Variants in NRXN1 observed in about 807,000 individuals in gnomAD.
NRXN1 encodes the protein neurexin-1.
Under a neutral mutation model 150.9 loss-of-function variants are expected in NRXN1, and 39 were observed. The observed-to-expected ratio is 0.26, with a 90% CI of 0.20 to 0.34. The LOEUF (loss-of-function observed/expected upper bound fraction) is 0.34, where lower values mean the gene tolerates loss of function less well. NRXN1 is among the 10% of genes least tolerant of loss of function. The probability of loss-of-function intolerance (pLI) is 1.00; values close to 1 mark genes in which losing one functional copy is unlikely to be tolerated. For missense variants in NRXN1, 1,815 were observed against 1,949.9 expected (o/e 0.93, Z 1.30); for synonymous variants, 924 against 757.0 (o/e 1.22, Z -3.62).
At chr2:50,044,388 T>C (rs1357993143) in intron 21 of NRXN1, among the ~76,000 whole-genome samples, 2 of 152,098 alleles carry the variant, frequency 1.3e-5, no homozygotes, top group African/African-American at 4.8e-5. Context: ...ACAGACTTGA[T>C]GGTAATGTCT....
rs146783855 is a variant in NRXN1, at chr2:50,398,890, C to A, written c.3364+66552G>T. On this transcript the variant is annotated intron_variant, in intron 17 of 22. Transcript: ENST00000401669. ...GAGAGATACCCTGAGTTTCATCATG[C>A]AGTCATTTGTTTCTATTGATGGTAG... Among the ~76,000 whole-genome samples, 142 of 152,172 alleles carry A rather than the reference C, an allele frequency of 9.3e-4. 3 individuals carry two copies. The East Asian group carries it at 0.026, about 28-fold the overall frequency.
chr2:50,705,203 C>T (rs1694270628), intron 5 of NRXN1, among the ~76,000 whole-genome samples: 2 of 151,964 alleles, frequency 1.3e-5, no homozygotes, highest in Middle Eastern at 3.4e-3. Context: ...GGAAACCATA[C>T]AAAGATGAAT....
intron 17 of NRXN1, among the ~76,000 whole-genome samples, chr2:50,424,127 C>CGGA (rs141016407): frequency 0.13 from 11,863 of 92,042 alleles, 1,336 homozygotes; most frequent in East Asian, 0.44. Context: ...AAGAAGGAGG[C>CGGA]GGAGGAGGAG....
intron 17 of NRXN1, among the ~76,000 whole-genome samples, chr2:50,298,743 T>C (rs2073869907): frequency 6.6e-6 from 1 of 152,208 alleles, no homozygotes; most frequent in South Asian, 2.1e-4. Context: ...CTATTTCTAA[T>C]GTCTTATTCT....
intron 2 of NRXN1, among the ~76,000 whole-genome samples, chr2:50,976,333 G>C (rs1695834432): frequency 6.6e-6 from 1 of 150,960 alleles, no homozygotes; most frequent in Non-Finnish European, 1.5e-5. Context: ...GAACCTATTT[G>C]CTTGAATTTT....
intron 5 of NRXN1, among the ~76,000 whole-genome samples, chr2:50,893,060 G>A (rs983678602): frequency 2.0e-5 from 3 of 152,116 alleles, no homozygotes; most frequent in African/African-American, 7.2e-5. Context: ...CAGAGAGGTG[G>A]CTGAGAGCCT....
chr2:50,953,071 G>T (rs762536673), intron 2 of NRXN1, among the ~76,000 whole-genome samples: 8 of 152,140 alleles, frequency 5.3e-5, no homozygotes, highest in Non-Finnish European at 1.2e-4. Context: ...GTGAATGGGA[G>T]ACTGAATGGG....
intron 17 of NRXN1, among the ~76,000 whole-genome samples, chr2:50,456,547 G>C (rs2087576601): frequency 6.6e-6 from 1 of 152,046 alleles, no homozygotes; most frequent in African/African-American, 2.4e-5. Context: ...AGAATGCTTT[G>C]TTCAGGGAAG....
At chr2:50,481,797 GCT>G (rs1224723434) in intron 15 of NRXN1, among the ~76,000 whole-genome samples, 1 of 97,914 alleles carries the variant, frequency 1.0e-5, no homozygotes, top group East Asian at 2.8e-4. Context: ...ACGGAGTCTC[GCT>G]CTGTCGCCCA....
chr2:50,725,574 A>G (rs772539738), intron 5 of NRXN1, among the ~76,000 whole-genome samples: 1 of 152,154 alleles, frequency 6.6e-6, no homozygotes, highest in Non-Finnish European at 1.5e-5. Flanking sequence ...TAACTGGGTA[A>G]TTTTTCCAGC....
intron 2 of NRXN1, among the ~76,000 whole-genome samples, chr2:51,002,295 C>T (rs901755252): frequency 6.6e-6 from 1 of 151,882 alleles, no homozygotes; most frequent in African/African-American, 2.4e-5. Flanking sequence ...TGTTCTCTGA[C>T]ACAATACACT....
At chr2:50,232,374 T>C (rs2065018650) in intron 18 of NRXN1, among the ~76,000 whole-genome samples, 1 of 134,324 alleles carries the variant, frequency 7.4e-6, no homozygotes, top group Non-Finnish European at 1.5e-5. Flanking sequence ...ATTATTTTTC[T>C]TTCTTTTCTT....
intron 2 of NRXN1, among the ~76,000 whole-genome samples, chr2:50,932,847 G>T (rs1285595814): frequency 6.6e-6 from 1 of 151,998 alleles, no homozygotes; most frequent in African/African-American, 2.4e-5. Flanking sequence ...AAGACTGAAT[G>T]ATTTCATAGA....
chr2:50,881,754 G>T (rs371216212), intron 5 of NRXN1, among the ~76,000 whole-genome samples: 2 of 151,712 alleles, frequency 1.3e-5, no homozygotes, highest in Non-Finnish European at 2.9e-5. Context: ...CTCTGAAATT[G>T]TATATAATTA....
At chr2:50,398,603 T>C (rs2082195404) in intron 17 of NRXN1, among the ~76,000 whole-genome samples, 1 of 152,138 alleles carries the variant, frequency 6.6e-6, no homozygotes, top group Non-Finnish European at 1.5e-5. Flanking sequence ...GGAAGGAGCT[T>C]CTGCTAATTA....
intron 8 of NRXN1, among the ~76,000 whole-genome samples, chr2:50,564,612 C>G (rs1414237046): frequency 6.6e-6 from 1 of 152,062 alleles, no homozygotes; most frequent in Non-Finnish European, 1.5e-5. Flanking sequence ...TAGCTGGATG[C>G]AAATACTTGT....
intron 17 of NRXN1, among the ~76,000 whole-genome samples, chr2:50,274,291 C>G (rs1322391072): frequency 6.6e-6 from 1 of 152,132 alleles, no homozygotes; most frequent in African/African-American, 2.4e-5. Flanking sequence ...CTAACTAACA[C>G]AGGAACAGGA....
chr2:50,337,002 C>G (rs1046125349), intron 17 of NRXN1, among the ~76,000 whole-genome samples: 1 of 151,142 alleles, frequency 6.6e-6, no homozygotes, highest in Non-Finnish European at 1.5e-5. Context: ...AGAGGAGAAA[C>G]AAAATGCTCA....
intron 17 of NRXN1, among the ~76,000 whole-genome samples, chr2:50,307,523 G>A (rs1049922456): frequency 6.6e-6 from 1 of 152,184 alleles, no homozygotes; most frequent in Admixed American, 6.5e-5. Context: ...GGTTGCAAAT[G>A]AAATGGTAAT....
Sources: gnomAD v4.1 joint callset for allele counts (sites outside exome capture counted in the v4.1 genomes callset) on GRCh38, gnomAD v4.1.1 for gene constraint, MANE v1.5 for transcripts, NCBI Gene and HGNC (gene_info 2026-07-23, HGNC 2026-07-21) for gene names.